Variants in MAPK10 observed in about 807,000 individuals in gnomAD.
The protein encoded by MAPK10 is mitogen-activated protein kinase 10, also known as JNK3 alpha protein kinase.
Under a neutral mutation model 59.3 loss-of-function variants are expected in MAPK10, and 25 were observed. That is an observed-to-expected ratio of 0.42 (90% CI 0.31 to 0.59). The LOEUF (loss-of-function observed/expected upper bound fraction) is 0.59, where lower values mean the gene tolerates loss of function less well. Among genes scored for constraint, MAPK10 ranks in the 20% least tolerant of loss-of-function variants. The probability of loss-of-function intolerance (pLI) is 0.15; values close to 1 mark genes in which losing one functional copy is unlikely to be tolerated. For synonymous variants in MAPK10, 190 were observed against 200.5 expected (o/e 0.95, Z 0.44); for missense variants, 351 against 568.9 (o/e 0.62, Z 3.90).
At chr4:86,420,063 T>C (rs912973014) in intron 1 of MAPK10, among the ~76,000 whole-genome samples, 11 of 152,166 alleles carry the variant, frequency 7.2e-5, no homozygotes, top group African/African-American at 2.7e-4. Context: ...AATAAGACCA[T>C]TATTTCTCCT....
At chr4:86,146,181 A>C (rs1211233458) in intron 4 of MAPK10, among the ~76,000 whole-genome samples, 3 of 152,206 alleles carry the variant, frequency 2.0e-5, no homozygotes, top group Non-Finnish European at 4.4e-5. Context: ...GTAGAAAGGA[A>C]AATCAGAACT....
At chr4:86,477,284 T>C (rs985609995) in intron 1 of MAPK10, among the ~76,000 whole-genome samples, 2 of 152,260 alleles carry the variant, frequency 1.3e-5, no homozygotes, top group African/African-American at 4.8e-5. Context: ...CTGGTGCCAA[T>C]TTAGACAATA....
At chr4:86,430,721 T>C (rs998878532) in intron 1 of MAPK10, among the ~76,000 whole-genome samples, 1 of 152,038 alleles carries the variant, frequency 6.6e-6, no homozygotes, top group Non-Finnish European at 1.5e-5. Context: ...TGGCAGTACA[T>C]GTGAAGGCCC....
chr4:86,248,524 G>A (rs2093243171), intron 2 of MAPK10, among the ~76,000 whole-genome samples: 1 of 152,170 alleles, frequency 6.6e-6, no homozygotes, highest in South Asian at 2.1e-4. Flanking sequence ...CTAGAAGTTA[G>A]TAGACATTAA....
chr4:86,240,802 T>G (rs1161232765), intron 2 of MAPK10, among the ~76,000 whole-genome samples: 1 of 152,206 alleles, frequency 6.6e-6, no homozygotes, highest in East Asian at 1.9e-4. Context: ...AATTTGCCAG[T>G]CTGTATCTTT....
chr4:86,437,699 T>C (rs1013087520), intron 1 of MAPK10, among the ~76,000 whole-genome samples: 1 of 152,214 alleles, frequency 6.6e-6, no homozygotes, highest in Admixed American at 6.5e-5. Flanking sequence ...TTTATGCTGA[T>C]CATATGCATA....
intron 2 of MAPK10, chr4:86,325,888 T>C (rs2096010787): frequency 6.6e-6 from 1 of 152,212 alleles, no homozygotes; most frequent in South Asian, 2.1e-4. Context: ...AACTAATTTA[T>C]ACTGAGCACT....
chr4:86,196,541 T>G (rs1231794846), intron 2 of MAPK10, among the ~76,000 whole-genome samples: 1 of 152,222 alleles, frequency 6.6e-6, no homozygotes, highest in Non-Finnish European at 1.5e-5. Flanking sequence ...GTAGTTACTT[T>G]TGCTGTGCAG....
At chr4:86,099,905 G>A (rs1282999337) in intron 8 of MAPK10, 1 of 152,086 alleles carries the variant, frequency 6.6e-6, no homozygotes, top group African/African-American at 2.4e-5. Context: ...TGAGTCAAAA[G>A]GTACCAGAAC....
chr4:86,018,175 C>T (rs1744341387), intron 13 of MAPK10, among the ~76,000 whole-genome samples: 1 of 152,138 alleles, frequency 6.6e-6, no homozygotes, highest in African/African-American at 2.4e-5. Flanking sequence ...CAAACATATG[C>T]AAGGGTCCTA....
chr4:86,060,161 C>A (rs2045459979), intron 11 of MAPK10, among the ~76,000 whole-genome samples: 2 of 152,194 alleles, frequency 1.3e-5, no homozygotes, highest in African/African-American at 4.8e-5. Flanking sequence ...TAGCTCCTTC[C>A]TTTTAGTCAA....
chr4:86,245,638 G>A (rs2093037208), intron 2 of MAPK10, among the ~76,000 whole-genome samples: 1 of 152,138 alleles, frequency 6.6e-6, no homozygotes, highest in Non-Finnish European at 1.5e-5. Context: ...CAGGCCCACA[G>A]TGCCAATTCT....
At chr4:86,229,770 T>C (rs1017673966) in intron 2 of MAPK10, among the ~76,000 whole-genome samples, 1 of 152,128 alleles carries the variant, frequency 6.6e-6, no homozygotes, top group Non-Finnish European at 1.5e-5. Flanking sequence ...AAATGACATG[T>C]TTAGGCAAGG....
At chr4:86,251,454 C>T (rs2093425983) in intron 2 of MAPK10, among the ~76,000 whole-genome samples, 1 of 145,152 alleles carries the variant, frequency 6.9e-6, no homozygotes. Context: ...CGATAGTTTA[C>T]TGAGAATGAT....
chr4:86,386,944 G>T (rs1420516165), intron 1 of MAPK10, among the ~76,000 whole-genome samples: 1 of 152,144 alleles, frequency 6.6e-6, no homozygotes, highest in Non-Finnish European at 1.5e-5. Context: ...GACTGTGGTA[G>T]AGAGGCTGAG....
At chr4:86,098,503 T>C (rs770185782) in intron 9 of MAPK10, 21 bp downstream of exon 9, 1 of 1,610,800 alleles carries the variant, frequency 6.2e-7, no homozygotes, top group East Asian at 2.2e-5. Flanking sequence ...GGTAAAGCTG[T>C]AGCAAAAGGT....
At chr4:86,395,946 T>TA (rs1479978497) in intron 1 of MAPK10, among the ~76,000 whole-genome samples, 4 of 152,222 alleles carry the variant, frequency 2.6e-5, no homozygotes, top group Admixed American at 6.5e-5. Flanking sequence ...TGTTTCAACA[T>TA]ACGAATTTTG....
intron 1 of MAPK10, among the ~76,000 whole-genome samples, chr4:86,425,699 G>A (rs749860563): frequency 2.4e-4 from 36 of 152,128 alleles, no homozygotes; most frequent in Middle Eastern, 3.2e-3. Context: ...AGGATCGGGC[G>A]CAGTGATTCA....
chr4:86,396,326 A>G (rs908381419), intron 1 of MAPK10, among the ~76,000 whole-genome samples: 2 of 152,166 alleles, frequency 1.3e-5, no homozygotes, highest in Non-Finnish European at 2.9e-5. Flanking sequence ...CAGCCTGGGC[A>G]AGAGTGCGAG....
Sources: allele counts gnomAD v4.1 joint callset (sites outside exome capture counted in the v4.1 genomes callset), GRCh38; gene constraint gnomAD v4.1.1; transcripts MANE v1.5; gene names NCBI Gene and HGNC (gene_info 2026-07-23, HGNC 2026-07-21).